SLC4A4: variants seen among roughly 807,000 people sequenced by gnomAD.
The protein encoded by SLC4A4 is solute carrier family 4 member 4.
In SLC4A4, 27 loss-of-function variants were observed where a neutral mutation model predicts 111.5. The ratio of observed to expected loss-of-function variants is 0.24; its 90% confidence interval spans 0.18 to 0.33. The LOEUF is 0.33. Among genes scored for constraint, SLC4A4 ranks in the 10% least tolerant of loss-of-function variants. The pLI, the probability that SLC4A4 is intolerant of heterozygous loss-of-function variation, is 1.00. For synonymous variants in SLC4A4, 443 were observed against 463.4 expected (o/e 0.96, Z 0.57); for missense variants, 909 against 1,315.5 (o/e 0.69, Z 4.78).
At chr4:71,479,535 AAAGAAAAT>A (rs1362886372) in intron 14 of SLC4A4, among the ~76,000 whole-genome samples, 1 of 151,786 alleles carries the variant, frequency 6.6e-6, no homozygotes, top group East Asian at 1.9e-4. Context: ...AAGCCCATTA[AAAGAAAAT>A]AAGAAAATAA....
chr4:71,268,511 C>G (rs1295715135), intron 3 of SLC4A4, among the ~76,000 whole-genome samples: 1 of 152,150 alleles, frequency 6.6e-6, no homozygotes, highest in African/African-American at 2.4e-5. Context: ...CTTATTTTGT[C>G]ATAGTTAGGA....
intron 12 of SLC4A4, among the ~76,000 whole-genome samples, chr4:71,456,826 T>G (rs1192929993): frequency 1.3e-5 from 2 of 152,174 alleles, no homozygotes; most frequent in Non-Finnish European, 2.9e-5. Context: ...GATGAAGTCC[T>G]CTGGCTTCAC....
At chr4:71,122,580 G>T (rs902504759) in intron 2 of SLC4A4, among the ~76,000 whole-genome samples, 1 of 151,538 alleles carries the variant, frequency 6.6e-6, no homozygotes, top group Non-Finnish European at 1.5e-5. Context: ...GAGATGCCAG[G>T]TTTAAAAAAA....
In SLC4A4 at chr4:71,132,590, G is replaced by C. The variant is rs116630757; in HGVS notation, c.-2+39798G>C. Among the ~76,000 whole-genome samples the C allele has an allele frequency of 4.8e-3, 729 of 152,266 alleles. 5 individuals carry two copies. The highest frequency in any genetic ancestry group is 6.4e-3 in the Non-Finnish European group (433 of 68,012). ...GCCTGGATACAGAGGGACAGACAGA[G>C]AGATCTTGTAGATTTCCTCCAAAGC... On this transcript the variant is annotated intron_variant, in intron 2 of 26. Transcript: ENST00000649996.
intron 6 of SLC4A4, among the ~76,000 whole-genome samples, chr4:71,367,347 G>A (rs1429219283): frequency 2.0e-5 from 3 of 152,174 alleles, no homozygotes; most frequent in African/African-American, 7.2e-5. Context: ...GAAGCTAAAG[G>A]ACATGTCTTC....
At chr4:71,497,819 T>C in intron 16 of SLC4A4, 127 bp downstream of exon 16, 1 of 783,188 alleles carries the variant, frequency 1.3e-6, no homozygotes, top group East Asian at 2.6e-5. Context: ...TTTTAAACAT[T>C]ACACTTCAAT....
At chr4:71,535,870 A>AAACC (rs1428277651) in intron 18 of SLC4A4, among the ~76,000 whole-genome samples, 3 of 151,616 alleles carry the variant, frequency 2.0e-5, no homozygotes, top group Non-Finnish European at 4.4e-5. Context: ...CAAAACAAAC[A>AAACC]AACCAACAAA....
At chr4:71,073,644 T>C (rs1330240665) in intron 1 of SLC4A4, among the ~76,000 whole-genome samples, 1 of 152,176 alleles carries the variant, frequency 6.6e-6, no homozygotes, top group East Asian at 1.9e-4. Context: ...TTATAATGTA[T>C]GTTTCCCTCC....
chr4:71,112,454 ATAAAT>A (rs923334881), intron 2 of SLC4A4, among the ~76,000 whole-genome samples: 3 of 152,220 alleles, frequency 2.0e-5, no homozygotes, highest in Non-Finnish European at 2.9e-5. Context: ...CTGGGAAGAA[ATAAAT>A]TAAACTTGAT....
At chr4:71,092,560 G>GA (rs34744962) in intron 1 of SLC4A4, among the ~76,000 whole-genome samples, 1 of 152,010 alleles carries the variant, frequency 6.6e-6, no homozygotes, top group East Asian at 1.9e-4. Flanking sequence ...TGTTACATCA[G>GA]AAAAAACACT....
intron 2 of SLC4A4, among the ~76,000 whole-genome samples, chr4:71,117,095 G>A (rs990027178): frequency 6.6e-6 from 1 of 152,084 alleles, no homozygotes; most frequent in Non-Finnish European, 1.5e-5. Context: ...TTTCACCTCA[G>A]CCTCCCAAGC....
At chr4:71,066,273 C>T (rs1454367661) in intron 1 of SLC4A4, among the ~76,000 whole-genome samples, 2 of 152,184 alleles carry the variant, frequency 1.3e-5, no homozygotes, top group Non-Finnish European at 2.9e-5. Flanking sequence ...ATTGGTGATA[C>T]TGCCTCTTTC....
intron 1 of SLC4A4, among the ~76,000 whole-genome samples, chr4:71,092,719 TC>T (rs1742421301): frequency 6.6e-6 from 1 of 152,244 alleles, no homozygotes; most frequent in Non-Finnish European, 1.5e-5. Flanking sequence ...TTGTTATTTT[TC>T]TTTTTACAGA....
intron 3 of SLC4A4, among the ~76,000 whole-genome samples, chr4:71,260,125 G>T (rs1478487551): frequency 2.6e-4 from 39 of 152,168 alleles, no homozygotes; most frequent in Admixed American, 2.6e-3. Context: ...CTGGGACAAT[G>T]GATGCTGGTT....
intron 1 of SLC4A4, among the ~76,000 whole-genome samples, chr4:71,080,864 C>G (rs1195456851): frequency 2.6e-5 from 4 of 151,986 alleles, no homozygotes; most frequent in Non-Finnish European, 2.9e-5. Flanking sequence ...CCATTTAAAA[C>G]AGGCTCAGGT....
At position 71,570,915 on chromosome 4, in the gene SLC4A4, TG is replaced by T. The variant is rs1737896885; in HGVS notation, c.*3168del. The T allele has an allele frequency of 6.6e-6, 1 of 152,042 alleles. No homozygotes were observed. The highest frequency in any genetic ancestry group is 1.9e-4 in the East Asian group (1 of 5,132). 9.4% of individuals were successfully genotyped at this position (152,042 alleles called of 1,614,324 possible). A position where few individuals can be genotyped will look rare whatever the true frequency, so the allele number is the denominator to read the frequency against. On this transcript the variant is annotated 3_prime_UTR_variant, in exon 26 of 26. Transcript: ENST00000264485. The stretch of plus-strand genomic sequence containing the variant: ...TCTTCTCCCAATCAAGGTTGAGGAG[TG>T]GGGCTGGGGAGAGGACTTAACTGAC...
In SLC4A4 at chr4:71,255,327, T is replaced by C. The variant is rs763409420; in HGVS notation, c.181T>C (p.Ser61Pro). 4 of 1,613,396 alleles carry C rather than the reference T, an allele frequency of 2.5e-6. No individual in the cohort carries two copies. Among genetic ancestry groups the C allele is most frequent in the Non-Finnish European group, 3.4e-6 (4 of 1,179,616 alleles). ...HKEKKEKERI[S>P]ENYSDKSDIE... ...AGAAAAGAAGGAAAAGGAGAGAATC[T>C]CTGAGAACTACTCTGACAAATCAGA... Residue 61 changes from serine (S) to proline (P), a missense_variant, in exon 3 of 26, where the codon TCT becomes CCT. By Grantham distance (74) the Ser-to-Pro change is moderately conservative. Transcript: ENST00000264485.
At chr4:71,277,472 T>C (rs1264299323) in intron 3 of SLC4A4, among the ~76,000 whole-genome samples, 1 of 151,904 alleles carries the variant, frequency 6.6e-6, no homozygotes, top group African/African-American at 2.4e-5. Context: ...GCCCATTTCC[T>C]ACTGGCTTGG....
chr4:71,523,469 A>T (rs1232858568), intron 16 of SLC4A4, among the ~76,000 whole-genome samples: 2 of 152,198 alleles, frequency 1.3e-5, no homozygotes, highest in African/African-American at 4.8e-5. Flanking sequence ...ACCAAAAATA[A>T]AAACACAGTC....
Sources: gnomAD v4.1 joint callset for allele counts (sites outside exome capture counted in the v4.1 genomes callset) on GRCh38, gnomAD v4.1.1 for gene constraint, MANE v1.5 for transcripts, NCBI Gene and HGNC (gene_info 2026-07-23, HGNC 2026-07-21) for gene names.